EPS15L1: variants seen among roughly 807,000 people sequenced by gnomAD.
The protein encoded by EPS15L1 is epidermal growth factor receptor substrate 15-like 1.
Under a neutral mutation model 117.1 loss-of-function variants are expected in EPS15L1, and 43 were observed. The observed-to-expected ratio is 0.37, with a 90% CI of 0.29 to 0.47. EPS15L1 has a LOEUF of 0.47. Among genes scored for constraint, EPS15L1 ranks in the 20% least tolerant of loss-of-function variants. EPS15L1 has a pLI of 0.99. For synonymous variants in EPS15L1, 459 were observed against 470.5 expected (o/e 0.98, Z 0.32); for missense variants, 981 against 1,164.0 (o/e 0.84, Z 2.29).
chr19:16,365,255 C>T lies in EPS15L1; in HGVS notation c.2381-3271G>A, dbSNP rs528123374. 3.3e-5 allele frequency among the ~76,000 whole-genome samples: 5 copies of T among 152,182 alleles called. No homozygotes were observed. The highest frequency in any genetic ancestry group is 5.9e-5 in the Non-Finnish European group (4 of 68,032). On this transcript the variant is annotated intron_variant, in intron 22 of 23. Coordinates refer to ENST00000455140, the MANE Select transcript of EPS15L1 (RefSeq NM_001258374.3). This position sits in a 1 kb window ranked among gnomAD's most constrained non-coding sequence, Gnocchi z 4.9. ...TCTTAATCCAAACAAAGGGCTGTGTCCCCCCAACAATTGTTCATACGTTCA... is the reference window on the plus strand; with the variant it reads ...TCTTAATCCAAACAAAGGGCTGTGTTCCCCCAACAATTGTTCATACGTTCA...
intron 13 of EPS15L1, among the ~76,000 whole-genome samples, chr19:16,411,517 T>G (rs2092705524): frequency 6.6e-6 from 1 of 152,178 alleles, no homozygotes; most frequent in Non-Finnish European, 1.5e-5. Flanking sequence ...TGATGGTTAA[T>G]CAACACGGTG....
intron 1 of EPS15L1, among the ~76,000 whole-genome samples, chr19:16,445,567 C>T (rs1318325825): frequency 1.3e-5 from 2 of 152,196 alleles, no homozygotes; most frequent in African/African-American, 4.8e-5. Flanking sequence ...CCTGATATGT[C>T]ATTGCGACAG....
intron 1 of EPS15L1, among the ~76,000 whole-genome samples, chr19:16,452,448 A>G (rs929014326): frequency 9.3e-5 from 11 of 118,284 alleles, no homozygotes; most frequent in African/African-American, 2.9e-4. Context: ...TTCCATCTCG[A>G]AAAAAAAAAA....
chr19:16,433,829 G>A (rs1467104267), intron 7 of EPS15L1, among the ~76,000 whole-genome samples: 4 of 152,034 alleles, frequency 2.6e-5, no homozygotes, highest in Admixed American at 6.6e-5. Flanking sequence ...TGGGCGTGGT[G>A]GCATGCACCT....
chr19:16,447,708 C>T (rs190224332), intron 1 of EPS15L1, among the ~76,000 whole-genome samples: 155 of 151,070 alleles, frequency 1.0e-3, no homozygotes, highest in Middle Eastern at 3.4e-3. Flanking sequence ...TGCAGTGAGC[C>T]GAGATCATAC....
At chr19:16,403,229 C>A (rs1383787981) in intron 15 of EPS15L1, among the ~76,000 whole-genome samples, 1 of 151,920 alleles carries the variant, frequency 6.6e-6, no homozygotes, top group Non-Finnish European at 1.5e-5. Context: ...GAGAAGCCAG[C>A]GCCCCCCCCT....
chr19:16,361,913 C>G lies in EPS15L1; in HGVS notation c.2452G>C (p.Gly818Arg). The G allele has an allele frequency of 6.2e-7, 1 of 1,614,044 alleles. No individual in the cohort carries two copies. Among genetic ancestry groups the G allele is most frequent in the Non-Finnish European group, 8.5e-7 (1 of 1,180,030 alleles). The part of the protein sequence containing the change: ...PEAPDPFQPL[G>R]ADSGDPFQSK... ...TGGAACGGGTCGCCGCTGTCAGCCCCGAGTGGCTGGAATGGATCGGGGGCC... is the reference window on the plus strand; with the variant it reads ...TGGAACGGGTCGCCGCTGTCAGCCCGGAGTGGCTGGAATGGATCGGGGGCC... Residue 818 changes from glycine to arginine, a missense_variant, in exon 23 of 24, where the codon GGG becomes CGG. Gly to Arg is a moderately radical substitution (Grantham distance 125). This residue lies in a region of EPS15L1 where 819 missense variants were observed against 949.0 expected (regional missense o/e 0.86). Transcript: ENST00000455140.
intron 23 of EPS15L1, 116 bp from the exon 24 acceptor site, chr19:16,355,967 G>A: frequency 7.8e-7 from 1 of 1,276,656 alleles, no homozygotes; most frequent in South Asian, 1.4e-5. Context: ...CCAGCGGAGG[G>A]TCCGATGTGC....
intron 13 of EPS15L1, among the ~76,000 whole-genome samples, chr19:16,407,266 C>G (rs2092665701): frequency 6.6e-6 from 1 of 152,146 alleles, no homozygotes; most frequent in African/African-American, 2.4e-5. Flanking sequence ...CTGCCCTACT[C>G]ACTCTTGGCT....
chr19:16,363,997 G>C (rs1240036103), intron 22 of EPS15L1, among the ~76,000 whole-genome samples: 1 of 152,234 alleles, frequency 6.6e-6, no homozygotes, highest in South Asian at 2.1e-4. Context: ...TTCCACCGGG[G>C]TCGCCGTTGC....
intron 1 of EPS15L1, among the ~76,000 whole-genome samples, chr19:16,459,264 C>G (rs2093226202): frequency 6.6e-6 from 1 of 152,116 alleles, no homozygotes; most frequent in African/African-American, 2.4e-5. Flanking sequence ...CTAGGTTCCC[C>G]CAAATGAAAT....
intron 22 of EPS15L1, among the ~76,000 whole-genome samples, chr19:16,372,098 G>C (rs2092232857): frequency 6.6e-6 from 1 of 152,236 alleles, no homozygotes; most frequent in Admixed American, 6.5e-5. Context: ...CATGCCCCAG[G>C]AGATGGCCCT....
rs949118670 is a variant in EPS15L1, at chr19:16,386,215, G to A, written c.2120C>T (p.Ser707Phe). The change falls in exon 20 of 24, where the codon TCC (serine) becomes TTC (phenylalanine). Residue 707 changes from serine to phenylalanine, a missense_variant. By Grantham distance (155) the Ser-to-Phe change is radical (BLOSUM62 -2). Around this residue, in one of 5 missense-constraint regions of EPS15L1, gnomAD observed 819 missense variants for 949.0 expected, o/e 0.86. Transcript: ENST00000455140. ...ACTGGAGGATGAAAAGGGATCACTGGATTCAAAGGGGTCGAGCTAAATGAA... is the reference window on the plus strand; with the variant it reads ...ACTGGAGGATGAAAAGGGATCACTGAATTCAAAGGGGTCGAGCTAAATGAA... ...SLPSKLDPFE[S>F]SDPFSSSSVS... 6.2e-7 allele frequency: 1 copy of A among 1,612,278 alleles called. No homozygotes were observed. The highest frequency in any genetic ancestry group is 8.5e-7 in the Non-Finnish European group (1 of 1,178,732).
chr19:16,397,741 G>A (rs1357755068), intron 16 of EPS15L1, among the ~76,000 whole-genome samples: 2 of 151,696 alleles, frequency 1.3e-5, no homozygotes, highest in Non-Finnish European at 2.9e-5. Context: ...TAAACGAGAA[G>A]AAAAAATATT....
At chr19:16,422,832 C>A (rs763810372) in intron 9 of EPS15L1, among the ~76,000 whole-genome samples, 19 of 152,066 alleles carry the variant, frequency 1.2e-4, no homozygotes, top group Admixed American at 6.6e-4. Context: ...GTGGTAGGCA[C>A]CTGTGATCCC....
intron 1 of EPS15L1, among the ~76,000 whole-genome samples, chr19:16,469,728 G>A (rs983060879): frequency 2.0e-5 from 3 of 152,050 alleles, no homozygotes; most frequent in African/African-American, 4.8e-5. Context: ...AGGCTAGCCC[G>A]CTGGGTTATC....
At chr19:16,375,363 T>C (rs573263768) in intron 22 of EPS15L1, among the ~76,000 whole-genome samples, 1 of 152,110 alleles carries the variant, frequency 6.6e-6, no homozygotes, top group African/African-American at 2.4e-5. Context: ...TGCAAGAGCA[T>C]ACACGTGTAC....
In EPS15L1 at chr19:16,404,560, C is replaced by T. The variant is rs751916459; in HGVS notation, c.1428+28G>A. 81 of 1,612,802 alleles carry T rather than the reference C, an allele frequency of 5.0e-5. No individual in the cohort carries two copies. The highest frequency in any genetic ancestry group is 6.1e-5 in the Non-Finnish European group (72 of 1,179,558). Reference sequence around the variant, plus strand: ...GGGAAGCCCCTGCCTGTGCATAGGGCGCTGCCCCGGAGGTGGCCGGGACCC... The same window carrying T: ...GGGAAGCCCCTGCCTGTGCATAGGGTGCTGCCCCGGAGGTGGCCGGGACCC... On this transcript the variant is annotated intron_variant, in intron 14 of 23. Transcript: ENST00000455140. The surrounding 1 kb of genome is among the most constrained non-coding windows in gnomAD (Gnocchi z 4.2).
At position 16,442,281 on chromosome 19, in the gene EPS15L1, T is replaced by G. The variant is rs1269601433; in HGVS notation, c.34-62A>C. 9 of 1,469,736 alleles carry G rather than the reference T, an allele frequency of 6.1e-6. No individual in the cohort carries two copies. The Admixed American group carries it at 7.1e-5, about 12-fold the overall frequency. The allele number at this position is 1,469,736 out of a possible 1,614,324, so 91.0% of individuals were successfully genotyped here. The stretch of plus-strand genomic sequence containing the variant: ...CACAACCCCTTGGGGAAAAAAAGGG[T>G]TGCCCCCTCAATTTTGTCATGACCA... On this transcript the variant is annotated intron_variant, in intron 1 of 23. Coordinates refer to ENST00000455140, the MANE Select transcript of EPS15L1 (RefSeq NM_001258374.3).
Sources: gnomAD v4.1 joint callset for allele counts (sites outside exome capture counted in the v4.1 genomes callset) on GRCh38, gnomAD v4.1.1 for gene constraint, gnomAD v4.1.1 regional missense constraint, Gnocchi (gnomAD v3.1) non-coding constraint, MANE v1.5 for transcripts, NCBI Gene and HGNC (gene_info 2026-07-23, HGNC 2026-07-21) for gene names.